ABCB11: variants seen among roughly 807,000 people sequenced by gnomAD.
The protein encoded by ABCB11 is bile salt export pump.
ABCB11 carries 95 observed loss-of-function variants against 148.0 expected under a neutral mutation model. The ratio of observed to expected loss-of-function variants is 0.64; its 90% CI spans 0.54 to 0.76. The LOEUF (loss-of-function observed/expected upper bound fraction) is 0.76. Among genes scored for constraint, ABCB11 ranks in the 30% least tolerant of loss-of-function variants. ABCB11 has a pLI of 0.00. For synonymous variants in ABCB11, 591 were observed against 555.4 expected (o/e 1.06, Z -0.90); for missense variants, 1,523 against 1,617.8 (o/e 0.94, Z 1.01).
chr2:168,918,553 G>A (rs1690988765), downstream of ABCB11, among the ~76,000 whole-genome samples: 1 of 152,038 alleles, frequency 6.6e-6, no homozygotes, highest in Admixed American at 6.5e-5. Context: ...GATCAGAAAT[G>A]GTTTTTTTCT....
chr2:168,983,576 A>G (rs1694207654), intron 10 of ABCB11, among the ~76,000 whole-genome samples: 1 of 152,218 alleles, frequency 6.6e-6, no homozygotes, highest in South Asian at 2.1e-4. Flanking sequence ...CATGCTGCCA[A>G]GATAAACTGA....
intron 8 of ABCB11, 64 bp from the exon 9 acceptor site, chr2:168,990,989 T>C (rs1419434278): frequency 6.5e-7 from 1 of 1,550,180 alleles, no homozygotes; most frequent in Non-Finnish European, 8.8e-7. Context: ...CAGTCTGTCA[T>C]TCAGATTCAT....
intron 16 of ABCB11, 99 bp downstream of exon 16, chr2:168,969,251 T>C (rs1023565274): frequency 3.5e-6 from 4 of 1,138,950 alleles, no homozygotes; most frequent in Non-Finnish European, 5.0e-6. Context: ...GCCAGAGTTG[T>C]TGGGAGAACA....
intron 18 of ABCB11, among the ~76,000 whole-genome samples, chr2:168,960,751 A>G (rs560911969): frequency 7.3e-4 from 111 of 151,816 alleles, no homozygotes; most frequent in African/African-American, 2.6e-3. Context: ...ATTTTATTTG[A>G]TATCTCCACT....
At chr2:168,996,809 A>T (rs914928337) in intron 5 of ABCB11, 87 bp from the exon 6 acceptor site, 74 of 394,732 alleles carry the variant, frequency 1.9e-4, no homozygotes, top group South Asian at 4.5e-4. Context: ...GGATTTAAAA[A>T]ATATATATAT....
chr2:169,019,358 C>T (rs1695469149), intron 1 of ABCB11, among the ~76,000 whole-genome samples: 1 of 152,084 alleles, frequency 6.6e-6, no homozygotes, highest in African/African-American at 2.4e-5. Context: ...CCTGATTCTT[C>T]AAATTAACAG....
chr2:168,959,980 T>C (rs1692993551), intron 18 of ABCB11, among the ~76,000 whole-genome samples: 1 of 148,666 alleles, frequency 6.7e-6, no homozygotes, highest in African/African-American at 2.5e-5. Flanking sequence ...AACACTGTGA[T>C]TCAGGATGCT....
At chr2:169,017,909 T>C (rs1177819999) in intron 2 of ABCB11, 141 bp downstream of exon 2, 3 of 796,238 alleles carry the variant, frequency 3.8e-6, no homozygotes, top group Non-Finnish European at 6.8e-6. Flanking sequence ...AGCCACACAG[T>C]TGTGTATAAG....
In ABCB11 at chr2:168,921,697, G is replaced by A. The variant is rs1691078296; in HGVS notation, c.*1925C>T. On this transcript the variant is annotated 3_prime_UTR_variant, in exon 28 of 28. Transcript: ENST00000650372. ...ACTTCCTCAGTGTCTGGTGGTCCTT[G>A]GAAGTCAATTCCCATGCAAGGAGGA... Among the ~76,000 whole-genome samples the A allele has an allele frequency of 6.6e-6, 1 of 151,842 alleles. No individual in the cohort carries two copies. Among genetic ancestry groups the A allele is most frequent in the Non-Finnish European group, 1.5e-5 (1 of 67,968 alleles).
chr2:168,965,531 T>C (rs1360022536), intron 17 of ABCB11, among the ~76,000 whole-genome samples: 1 of 151,840 alleles, frequency 6.6e-6, no homozygotes, highest in African/African-American at 2.4e-5. Context: ...CAAAGCATCT[T>C]TGGAATATTT....
chr2:168,949,323 T>C lies in ABCB11; in HGVS notation c.2344-4362A>G, dbSNP rs543571010. 4.6e-5 allele frequency among the ~76,000 whole-genome samples: 7 copies of C among 151,762 alleles called. No homozygotes were observed. The South Asian group carries it at 1.0e-3, about 22-fold the overall frequency. On this transcript the variant is annotated intron_variant, in intron 19 of 27. Coordinates refer to ENST00000650372, the MANE Select transcript of ABCB11 (RefSeq NM_003742.4). ...CCTGAATAGTGAACATTGTACCCAA[T>C]AGGCAATTTTTCAACCTTCATCTCC... is the stretch of plus-strand genomic sequence containing the variant.
At chr2:168,985,190 C>A (rs1694272321) in intron 10 of ABCB11, among the ~76,000 whole-genome samples, 1 of 152,144 alleles carries the variant, frequency 6.6e-6, no homozygotes, top group South Asian at 2.1e-4. Flanking sequence ...ATCAAAACCA[C>A]AATGTGATAC....
intron 6 of ABCB11, 43 bp downstream of exon 6, chr2:168,996,592 A>G: frequency 8.4e-7 from 1 of 1,189,386 alleles, no homozygotes; most frequent in Non-Finnish European, 1.2e-6. Context: ...AGTGTCTTTG[A>G]GGTCAGATAT....
chr2:168,929,150 T>G lies in ABCB11; in HGVS notation c.3411+1515A>C, dbSNP rs1691452138. ...CAAGTATGAAGCAAAACAAAACATT[T>G]TCAGACCCATATCTATGAACTATTT... On this transcript the variant is annotated intron_variant, in intron 25 of 27. Transcript: ENST00000650372. Among the ~76,000 whole-genome samples, 4 of 152,304 alleles carry G rather than the reference T, an allele frequency of 2.6e-5. No homozygotes were observed. The South Asian group carries it at 8.3e-4, about 32-fold the overall frequency.
intron 11 of ABCB11, 149 bp from the exon 12 acceptor site, chr2:168,976,836 G>A: frequency 2.2e-6 from 1 of 461,972 alleles, no homozygotes; most frequent in Admixed American, 3.5e-5. Flanking sequence ...TTCAAATGAA[G>A]ATGTATACAT....
intron 26 of ABCB11, among the ~76,000 whole-genome samples, chr2:168,925,914 A>T (rs571634200): frequency 2.5e-4 from 38 of 152,300 alleles, no homozygotes; most frequent in African/African-American, 8.7e-4. Flanking sequence ...CAGGAGACAC[A>T]CAATCTTTGC....
chr2:169,011,158 C>T (rs1695175178), intron 5 of ABCB11, among the ~76,000 whole-genome samples: 1 of 152,142 alleles, frequency 6.6e-6, no homozygotes, highest in South Asian at 2.1e-4. Context: ...GTATATGCCT[C>T]AAATTTTGGC....
Position 168,984,903 on chromosome 2 carries a change from A to C in ABCB11, c.1083+1207T>G, listed in dbSNP as rs151219481. On this transcript the variant is annotated intron_variant, in intron 10 of 27. Transcript: ENST00000650372. ...ATTTCATGACCAAGAACCCAAAAGC[A>C]AATGCAATAAAAACAAAGATAAATA... Among the ~76,000 whole-genome samples, 537 of 152,334 alleles carry C rather than the reference A, an allele frequency of 3.5e-3. 11 individuals are homozygous for C. The East Asian group carries it at 0.04, about 11-fold the overall frequency.
At chr2:169,020,134 A>G (rs1695491880) in intron 1 of ABCB11, among the ~76,000 whole-genome samples, 1 of 152,232 alleles carries the variant, frequency 6.6e-6, no homozygotes, top group Admixed American at 6.5e-5. Context: ...TAACTTGAAC[A>G]CAAGATAAGG....
Sources: allele counts gnomAD v4.1 joint callset (sites outside exome capture counted in the v4.1 genomes callset), GRCh38; gene constraint gnomAD v4.1.1; transcripts MANE v1.5; gene names NCBI Gene and HGNC (gene_info 2026-07-23, HGNC 2026-07-21).